RALYL: variants seen among roughly 807,000 people sequenced by gnomAD.
The protein encoded by RALYL is RNA-binding Raly-like protein.
RALYL carries 29 observed loss-of-function variants against 35.1 expected under a neutral mutation model. The observed-to-expected ratio is 0.83, with a 90% CI of 0.61 to 1.13. The LOEUF (loss-of-function observed/expected upper bound fraction) is 1.13. Among genes scored for constraint, RALYL ranks in the 50% most tolerant of loss-of-function variants. RALYL has a pLI of 0.00. For synonymous variants in RALYL, 120 were observed against 127.6 expected (o/e 0.94, Z 0.40); for missense variants, 359 against 360.4 (o/e 1.00, Z 0.03).
intron 2 of RALYL, among the ~76,000 whole-genome samples, chr8:84,569,880 A>C (rs1564162855): frequency 2.0e-5 from 3 of 151,846 alleles, no homozygotes; most frequent in Admixed American, 6.6e-5. Flanking sequence ...CCCTATTGTC[A>C]AAAATCAATC....
intron 1 of RALYL, among the ~76,000 whole-genome samples, chr8:84,276,726 T>C (rs1177125892): frequency 6.6e-6 from 1 of 152,206 alleles, no homozygotes; most frequent in African/African-American, 2.4e-5. Flanking sequence ...AAATGAGGTT[T>C]GATATTTGAC....
chr8:84,389,727 C>T (rs1376031217), intron 1 of RALYL, among the ~76,000 whole-genome samples: 7 of 150,008 alleles, frequency 4.7e-5, no homozygotes, highest in South Asian at 2.1e-4. Flanking sequence ...TGCTTATCAG[C>T]TTAAGGAGAT....
chr8:84,311,745 T>A (rs996346317), intron 1 of RALYL, among the ~76,000 whole-genome samples: 1 of 152,192 alleles, frequency 6.6e-6, no homozygotes, highest in African/African-American at 2.4e-5. Context: ...GAAGGGAAGC[T>A]AGCCATGCTG....
intron 2 of RALYL, among the ~76,000 whole-genome samples, chr8:84,765,488 A>G (rs962575599): frequency 6.6e-5 from 10 of 152,284 alleles, no homozygotes; most frequent in African/African-American, 2.2e-4. Context: ...AACAGTACAA[A>G]TAAGAAAGCC....
chr8:84,857,936 A>G (rs923911713), intron 5 of RALYL, among the ~76,000 whole-genome samples: 24 of 152,094 alleles, frequency 1.6e-4, no homozygotes, highest in African/African-American at 5.8e-4. Context: ...CACTTAAAAT[A>G]ATGTTTGCTT....
chr8:84,703,318 G>A (rs1391429370), intron 2 of RALYL, among the ~76,000 whole-genome samples: 1 of 152,274 alleles, frequency 6.6e-6, no homozygotes, highest in Non-Finnish European at 1.5e-5. Flanking sequence ...AGAAAGGATT[G>A]AGGAGCTGGA....
intron 1 of RALYL, among the ~76,000 whole-genome samples, chr8:84,281,413 A>G (rs1836529319): frequency 6.6e-6 from 1 of 152,098 alleles, no homozygotes; most frequent in African/African-American, 2.4e-5. Context: ...TTTTTTTCTC[A>G]AAATGGATAA....
At chr8:84,880,414 A>G (rs945148860) in intron 7 of RALYL, among the ~76,000 whole-genome samples, 5 of 152,026 alleles carry the variant, frequency 3.3e-5, no homozygotes, top group African/African-American at 1.2e-4. Flanking sequence ...CTTTCTCCTC[A>G]CTTTCCTACC....
intron 2 of RALYL, among the ~76,000 whole-genome samples, chr8:84,716,431 G>C (rs184919613): frequency 7.7e-4 from 117 of 152,238 alleles, no homozygotes; most frequent in Non-Finnish European, 1.3e-3. Context: ...ACTTTTAATT[G>C]AGGTATGAGG....
rs543268025 is a variant in RALYL at position 84,555,082 on chromosome 8, C to G, written c.256+25505C>G. 2.0e-5 allele frequency among the ~76,000 whole-genome samples: 3 copies of G among 152,108 alleles called. No individual in the cohort carries two copies. The South Asian group carries it at 6.2e-4, about 32-fold the overall frequency. On this transcript the variant is annotated intron_variant, in intron 2 of 8. Coordinates refer to ENST00000521268, the MANE Select transcript of RALYL (RefSeq NM_173848.7). Reference sequence around the variant, plus strand: ...GATCACGAGGTCAGGCGTTCAAGACCAGCCTGACCAACATGGTGAAACCCC... The same window carrying G: ...GATCACGAGGTCAGGCGTTCAAGACGAGCCTGACCAACATGGTGAAACCCC...
At chr8:84,700,666 G>T (rs1390730451) in intron 2 of RALYL, among the ~76,000 whole-genome samples, 1 of 152,104 alleles carries the variant, frequency 6.6e-6, no homozygotes, top group Non-Finnish European at 1.5e-5. Context: ...GTAAAATGAG[G>T]TGTTGAATGA....
At position 84,833,409 on chromosome 8, in the gene RALYL, G is replaced by A. The variant is rs540177812; in HGVS notation, c.366-16571G>A. On this transcript the variant is annotated intron_variant, in intron 4 of 8. Transcript: ENST00000521268. ...TCCCAGCACTTTGAGAGGCCAAGGC[G>A]GCTAGATCATTTGAGGTCAGGAGTT... 1.6e-4 allele frequency among the ~76,000 whole-genome samples: 24 copies of A among 152,052 alleles called. No homozygotes were observed. In the South Asian group the frequency reaches 2.5e-3, roughly 16 times the overall value.
chr8:84,651,775 A>C (rs1180646116), intron 2 of RALYL, among the ~76,000 whole-genome samples: 1 of 152,066 alleles, frequency 6.6e-6, no homozygotes, highest in East Asian at 1.9e-4. Context: ...TTATTGAATT[A>C]GATTTGGAGC....
chr8:84,344,086 C>A (rs906991414), intron 1 of RALYL, among the ~76,000 whole-genome samples: 1 of 151,898 alleles, frequency 6.6e-6, no homozygotes, highest in Non-Finnish European at 1.5e-5. Context: ...TCTTGCGCAA[C>A]AGGAATTTCA....
At chr8:84,732,683 T>TACAC (rs1554553642) in intron 2 of RALYL, among the ~76,000 whole-genome samples, 46 of 132,986 alleles carry the variant, frequency 3.5e-4, no homozygotes, top group African/African-American at 1.3e-3. Flanking sequence ...TATATATATA[T>TACAC]ACACACACAC....
intron 1 of RALYL, among the ~76,000 whole-genome samples, chr8:84,476,792 A>G (rs959320011): frequency 6.6e-6 from 1 of 152,214 alleles, no homozygotes; most frequent in African/African-American, 2.4e-5. Context: ...CAGATGCGGA[A>G]AGGAGCACAA....
intron 2 of RALYL, among the ~76,000 whole-genome samples, chr8:84,637,457 C>A (rs1297567980): frequency 6.6e-5 from 10 of 151,844 alleles, no homozygotes; most frequent in Admixed American, 1.3e-4. Flanking sequence ...TAACCAAACA[C>A]AAGTCCAACC....
At chr8:84,381,030 C>G (rs755273278) in intron 1 of RALYL, among the ~76,000 whole-genome samples, 4 of 151,716 alleles carry the variant, frequency 2.6e-5, no homozygotes, top group Non-Finnish European at 4.4e-5. Flanking sequence ...AAAAAGAGGA[C>G]CCCAAACATT....
At chr8:84,563,546 G>C in intron 2 of RALYL, among the ~76,000 whole-genome samples, 1 of 151,536 alleles carries the variant, frequency 6.6e-6, no homozygotes, top group East Asian at 1.9e-4. Flanking sequence ...TGTAAGCAAA[G>C]CTGACTGATT....
Sources: allele counts gnomAD v4.1 joint callset (sites outside exome capture counted in the v4.1 genomes callset), GRCh38; gene constraint gnomAD v4.1.1; transcripts MANE v1.5; gene names NCBI Gene and HGNC (gene_info 2026-07-23, HGNC 2026-07-21).